Variants in RBFOX3 observed in about 807,000 individuals in gnomAD.
RBFOX3 encodes the protein RNA binding fox-1 homolog 3, also known as RNA binding protein fox-1 homolog 3.
In RBFOX3, 17 loss-of-function variants were observed where a neutral mutation model predicts 48.7. The observed-to-expected ratio is 0.35, with a 90% CI of 0.24 to 0.52. The LOEUF (loss-of-function observed/expected upper bound fraction) is 0.52, where lower values mean the gene tolerates loss of function less well. Among genes scored for constraint, RBFOX3 ranks in the 20% least tolerant of loss-of-function variants. The pLI is 0.94. For synonymous variants in RBFOX3, 212 were observed against 209.5 expected (o/e 1.01, Z -0.10); for missense variants, 382 against 497.5 (o/e 0.77, Z 2.21).
chr17:79,533,016 C>A (rs1235693457), intron 1 of RBFOX3, among the ~76,000 whole-genome samples: 1 of 152,250 alleles, frequency 6.6e-6, no homozygotes, highest in Non-Finnish European at 1.5e-5. Flanking sequence ...GACAGAAAGA[C>A]GCAGCGCTTG....
intron 4 of RBFOX3, among the ~76,000 whole-genome samples, chr17:79,150,015 T>TGGGGGTTGAGGGTGGGGGGTGGGGG (rs2044010454): frequency 1.9e-4 from 3 of 15,726 alleles, no homozygotes; most frequent in Non-Finnish European, 3.4e-4. Flanking sequence ...GGGATGGGGA[T>TGGGGGTTGAGGGTGGGGGGTGGGGG]GGGGGTTGAG....
intron 3 of RBFOX3, among the ~76,000 whole-genome samples, chr17:79,280,382 G>A (rs991650313): frequency 6.6e-6 from 1 of 152,206 alleles, no homozygotes; most frequent in Admixed American, 6.5e-5. Context: ...GGGACTGTCT[G>A]TGTGAGATGG....
At chr17:79,186,525 C>T (rs976514356) in intron 4 of RBFOX3, among the ~76,000 whole-genome samples, 6 of 152,158 alleles carry the variant, frequency 3.9e-5, no homozygotes, top group Admixed American at 6.5e-5. Flanking sequence ...GCAGCCCTCC[C>T]GAGCCCCTGG....
At chr17:79,544,793 TC>T (rs1302705232) in intron 1 of RBFOX3, among the ~76,000 whole-genome samples, 4 of 151,174 alleles carry the variant, frequency 2.6e-5, no homozygotes, top group African/African-American at 9.7e-5. Flanking sequence ...AGCACCGCCC[TC>T]CCCCCACCTT....
At chr17:79,440,603 T>C (rs1391634561) in intron 2 of RBFOX3, among the ~76,000 whole-genome samples, 13 of 152,170 alleles carry the variant, frequency 8.5e-5, no homozygotes, top group Admixed American at 8.5e-4. Flanking sequence ...GGACTTCATT[T>C]TTAGCCATGG....
chr17:79,612,988 C>T (rs1045735301), upstream of RBFOX3, among the ~76,000 whole-genome samples: 1 of 152,234 alleles, frequency 6.6e-6, no homozygotes, highest in South Asian at 2.1e-4. Flanking sequence ...CTCGCAGAAA[C>T]CTCTCGAAGA....
chr17:79,208,828 T>C (rs546113631), intron 4 of RBFOX3, among the ~76,000 whole-genome samples: 45 of 151,954 alleles, frequency 3.0e-4, no homozygotes, highest in African/African-American at 1.0e-3. Context: ...CTTTTTTTTT[T>C]TGTTTGAGAC....
intron 4 of RBFOX3, among the ~76,000 whole-genome samples, chr17:79,219,282 T>G (rs2059430845): frequency 6.6e-6 from 1 of 152,154 alleles, no homozygotes; most frequent in Non-Finnish European, 1.5e-5. Context: ...GGGGAAAAGT[T>G]CACCCTACAC....
At chr17:79,203,354 G>T (rs894635764) in intron 4 of RBFOX3, among the ~76,000 whole-genome samples, 41 of 69,306 alleles carry the variant, frequency 5.9e-4, no homozygotes, top group Middle Eastern at 7.7e-3. Context: ...GTGGGGGTGG[G>T]TGGAGGGCGA....
At chr17:79,638,327 A>G in the RBFOX3 span, among the ~76,000 whole-genome samples, 4 of 151,248 alleles carry the variant, frequency 2.6e-5, no homozygotes, top group African/African-American at 9.7e-5. Flanking sequence ...TTTTAAATAA[A>G]ATAAAATTGA....
chr17:79,093,791 C>CCCCA (rs112110060), intron 14 of RBFOX3, among the ~76,000 whole-genome samples: 9 of 143,822 alleles, frequency 6.3e-5, no homozygotes, highest in African/African-American at 1.0e-4. Context: ...CAACAGCTGG[C>CCCCA]CACACACACA....
At chr17:79,367,147 G>A (rs1446263472) in intron 2 of RBFOX3, among the ~76,000 whole-genome samples, 3 of 151,854 alleles carry the variant, frequency 2.0e-5, no homozygotes, top group Non-Finnish European at 4.4e-5. Context: ...TCGCAGAGTC[G>A]GCTTCCGGAG....
chr17:79,373,141 C>T (rs1202529354), intron 2 of RBFOX3, among the ~76,000 whole-genome samples: 1 of 152,140 alleles, frequency 6.6e-6, no homozygotes, highest in Non-Finnish European at 1.5e-5. Context: ...TTGATTCCAA[C>T]CCCATTTCCA....
chr17:79,393,035 A>G (rs1256179800), intron 2 of RBFOX3, among the ~76,000 whole-genome samples: 1 of 152,220 alleles, frequency 6.6e-6, no homozygotes, highest in Non-Finnish European at 1.5e-5. Context: ...CCAAAGCCCC[A>G]ACTTGACCAC....
intron 2 of RBFOX3, among the ~76,000 whole-genome samples, chr17:79,411,545 C>G (rs536810401): frequency 6.6e-6 from 1 of 152,188 alleles, no homozygotes; most frequent in Non-Finnish European, 1.5e-5. Flanking sequence ...GCTGCCCTGG[C>G]CCCAGGCTTC....
chr17:79,410,984 G>T (rs2064236834), intron 2 of RBFOX3, among the ~76,000 whole-genome samples: 1 of 152,198 alleles, frequency 6.6e-6, no homozygotes, highest in South Asian at 2.1e-4. Context: ...GGCATCTGGA[G>T]ACCTGGGCTG....
chr17:79,310,967 G>A (rs1200640654), intron 2 of RBFOX3, among the ~76,000 whole-genome samples: 1 of 152,100 alleles, frequency 6.6e-6, no homozygotes, highest in Admixed American at 6.5e-5. Context: ...TGCTGGGGTG[G>A]TACTTGGTAA....
chr17:79,284,835 C>T (rs1229822175), intron 3 of RBFOX3, among the ~76,000 whole-genome samples: 4 of 152,108 alleles, frequency 2.6e-5, no homozygotes, highest in Admixed American at 6.5e-5. Flanking sequence ...CCACTGTGCC[C>T]AGCCAGCCTT....
chr17:79,137,237 G>GCACACACACA lies in RBFOX3; in HGVS notation c.-33-21499_-33-21490dup, dbSNP rs4012813. ...ATGTGCTCACACAGACCCTCTTCATGCACACACACACACACACACAGCCCT... is the reference window on the plus strand; with the variant it reads ...ATGTGCTCACACAGACCCTCTTCATGCACACACACACACACACACACACACACACAGCCCT... On this transcript the variant is annotated intron_variant, in intron 4 of 14. Transcript: ENST00000693108. Among the ~76,000 whole-genome samples, 149 of 150,388 alleles carry GCACACACACA rather than the reference G, an allele frequency of 9.9e-4. 4 individuals are homozygous for GCACACACACA. The South Asian group carries it at 0.029, about 29-fold the overall frequency.
Sources: gnomAD v4.1 joint callset for allele counts (sites outside exome capture counted in the v4.1 genomes callset) on GRCh38, gnomAD v4.1.1 for gene constraint, MANE v1.5 for transcripts, NCBI Gene and HGNC (gene_info 2026-07-23, HGNC 2026-07-21) for gene names.